The following PAWR variants were observed in gnomAD, a reference collection of about 807,000 sequenced individuals.
The protein encoded by PAWR is pro-apoptotic WT1 regulator, also known as PRKC apoptosis WT1 regulator protein.
A neutral mutation model predicts 32.0 loss-of-function variants in PAWR; 23 were observed. That is an observed-to-expected ratio of 0.72 (90% confidence interval 0.52 to 1.02). The LOEUF (loss-of-function observed/expected upper bound fraction) is 1.02. PAWR is among the 50% of genes least tolerant of loss of function. The pLI is 0.00. For synonymous variants in PAWR, 226 were observed against 187.1 expected, an observed-to-expected ratio of 1.21 and a Z score of -1.70; for missense variants, 457 against 437.7, an observed-to-expected ratio of 1.04 and a Z score of -0.39.
chr12:79,642,103 T>C (rs567423009), intron 2 of PAWR, among the ~76,000 whole-genome samples: 6 of 152,176 alleles, frequency 3.9e-5, no homozygotes, highest in Non-Finnish European at 8.8e-5. Context: ...TAAAATATAC[T>C]AGTATATAAA....
At chr12:79,683,723 T>A (rs1209994051) in intron 2 of PAWR, among the ~76,000 whole-genome samples, 1 of 152,092 alleles carries the variant, frequency 6.6e-6, no homozygotes, top group Non-Finnish European at 1.5e-5. Context: ...TACACTCAGT[T>A]AAATTGTTAG....
intron 2 of PAWR, among the ~76,000 whole-genome samples, chr12:79,666,303 T>C (rs142376603): frequency 4.6e-5 from 7 of 152,328 alleles, no homozygotes; most frequent in Admixed American, 3.9e-4. Context: ...GTACAAATTG[T>C]ATCTCAAGGT....
chr12:79,609,389 A>C (rs1874336064), intron 4 of PAWR, among the ~76,000 whole-genome samples: 1 of 152,104 alleles, frequency 6.6e-6, no homozygotes, highest in Admixed American at 6.6e-5. Flanking sequence ...AGGCAGGAAA[A>C]TTCTGGGCAG....
At chr12:79,611,128 T>C (rs1288891089) in intron 4 of PAWR, among the ~76,000 whole-genome samples, 2 of 147,714 alleles carry the variant, frequency 1.4e-5, no homozygotes, top group East Asian at 3.9e-4. Context: ...GAGTTATTTC[T>C]AGCTATATAA....
intron 2 of PAWR, chr12:79,632,308 CATACATAT>C (rs1875688635): frequency 7.9e-5 from 2 of 25,166 alleles, no homozygotes; most frequent in Non-Finnish European, 1.2e-4. Flanking sequence ...TATATATATA[CATACATAT>C]ATATATATAT....
intron 2 of PAWR, among the ~76,000 whole-genome samples, chr12:79,639,916 T>C (rs28523778): frequency 7.5e-4 from 91 of 122,098 alleles, no homozygotes; most frequent in African/African-American, 5.0e-3. Flanking sequence ...CATTCCATTC[T>C]ATTCTAGAGA....
chr12:79,649,895 G>A (rs1481649517), intron 2 of PAWR, among the ~76,000 whole-genome samples: 1 of 152,112 alleles, frequency 6.6e-6, no homozygotes, highest in Admixed American at 6.5e-5. Context: ...TGTAGCAGGG[G>A]GTAGGTTTTG....
At chr12:79,602,141 A>G (rs1873985751) in intron 4 of PAWR, among the ~76,000 whole-genome samples, 1 of 152,238 alleles carries the variant, frequency 6.6e-6, no homozygotes, top group African/African-American at 2.4e-5. Context: ...TTCCCTCAGG[A>G]CACCTTTAGT....
intron 2 of PAWR, among the ~76,000 whole-genome samples, chr12:79,686,157 A>T (rs948954282): frequency 6.6e-6 from 1 of 152,106 alleles, no homozygotes. Context: ...CTTCAGTGCC[A>T]CCTCTACCTA....
intron 4 of PAWR, among the ~76,000 whole-genome samples, chr12:79,607,741 A>AAT (rs1555234258): frequency 1.4e-5 from 2 of 145,830 alleles, no homozygotes; most frequent in African/African-American, 5.0e-5. Context: ...AAAAAAAAAA[A>AAT]AAAATAATAA....
At chr12:79,645,344 T>C (rs760192612) in intron 2 of PAWR, among the ~76,000 whole-genome samples, 115 of 152,318 alleles carry the variant, frequency 7.5e-4, no homozygotes, top group Middle Eastern at 6.8e-3. Context: ...AAAAGATTAC[T>C]TAGCCCACTA....
At chr12:79,645,978 A>C (rs1170501692) in intron 2 of PAWR, among the ~76,000 whole-genome samples, 1 of 152,224 alleles carries the variant, frequency 6.6e-6, no homozygotes. Context: ...GAGCCTCATT[A>C]TCTTCAACCA....
rs1873385394 is a variant in PAWR, at chr12:79,586,345, G to A, written c.*6262C>T. 1 of 152,490 alleles carries A rather than the reference G, an allele frequency of 6.6e-6. No homozygotes were observed. The allele number at this position is 152,490 out of a possible 1,614,324, so 9.4% of individuals were successfully genotyped here. ...CTTAGGCCTTTGACTGATAGCTTTA[G>A]GCTTTTGCACTACACAAAGAAAAAG... is the stretch of plus-strand genomic sequence containing the variant. On this transcript the variant is annotated 3_prime_UTR_variant, in exon 7 of 7. Transcript: ENST00000328827.
At chr12:79,646,004 T>C (rs1177210435) in intron 2 of PAWR, among the ~76,000 whole-genome samples, 1 of 152,218 alleles carries the variant, frequency 6.6e-6, no homozygotes, top group Non-Finnish European at 1.5e-5. Flanking sequence ...AAAAGAATTA[T>C]TTTTATATTA....
At chr12:79,622,200 T>C (rs561755900) in intron 2 of PAWR, among the ~76,000 whole-genome samples, 3 of 152,052 alleles carry the variant, frequency 2.0e-5, no homozygotes, top group South Asian at 4.2e-4. Context: ...ACTGGAATAT[T>C]TGGAGATAGG....
At chr12:79,632,359 ATAT>A (rs1566011199) in intron 2 of PAWR, among the ~76,000 whole-genome samples, 4 of 17,176 alleles carry the variant, frequency 2.3e-4, no homozygotes, top group South Asian at 1.4e-3. Context: ...ATATATATAT[ATAT>A]TTTTTTTTTT....
chr12:79,614,013 T>A (rs1874605278), intron 3 of PAWR, among the ~76,000 whole-genome samples: 1 of 47,440 alleles, frequency 2.1e-5, no homozygotes, highest in African/African-American at 8.0e-5. Flanking sequence ...TTTTTTTTTT[T>A]TTTTTTTTTT....
chr12:79,611,005 G>C (rs1248270805), intron 4 of PAWR, among the ~76,000 whole-genome samples: 2 of 150,810 alleles, frequency 1.3e-5, no homozygotes, highest in African/African-American at 4.9e-5. Flanking sequence ...ACAGACTCAA[G>C]GCTAAAAATG....
chr12:79,593,483 C>G (rs564362969), intron 6 of PAWR, among the ~76,000 whole-genome samples: 1 of 151,948 alleles, frequency 6.6e-6, no homozygotes, highest in South Asian at 2.1e-4. Flanking sequence ...AACATTATTT[C>G]AAGACAGACT....
Sources: gnomAD v4.1 joint callset for allele counts (sites outside exome capture counted in the v4.1 genomes callset) on GRCh38, gnomAD v4.1.1 for gene constraint, MANE v1.5 for transcripts, NCBI Gene and HGNC (gene_info 2026-07-23, HGNC 2026-07-21) for gene names.